The following CCDC141 variants were observed in gnomAD, a reference collection of about 807,000 sequenced individuals.
CCDC141 encodes the protein coiled-coil domain containing 141, also known as coiled-coil domain-containing protein 141.
Under a neutral mutation model 181.0 loss-of-function variants are expected in CCDC141, and 168 were observed. The ratio of observed to expected loss-of-function variants is 0.93; its 90% CI spans 0.82 to 1.05. The LOEUF is 1.05. Among genes scored for constraint, CCDC141 ranks in the 50% least tolerant of loss-of-function variants. The probability of loss-of-function intolerance (pLI) is 0.00; values close to 1 mark genes in which losing one functional copy is unlikely to be tolerated. For synonymous variants in CCDC141, 666 were observed against 642.3 expected, an observed-to-expected ratio of 1.04 and a Z score of -0.56; for missense variants, 1,902 against 1,788.5, an observed-to-expected ratio of 1.06 and a Z score of -1.14.
At chr2:178,862,806 T>C (rs1053398152) in intron 17 of CCDC141, among the ~76,000 whole-genome samples, 2 of 152,236 alleles carry the variant, frequency 1.3e-5, no homozygotes, top group African/African-American at 4.8e-5. Flanking sequence ...CACATCACAT[T>C]ACATTTTTAA....
At chr2:178,995,103 T>A (rs1692223208) in intron 2 of CCDC141, among the ~76,000 whole-genome samples, 1 of 152,222 alleles carries the variant, frequency 6.6e-6, no homozygotes, top group Non-Finnish European at 1.5e-5. Flanking sequence ...CACTTCCACA[T>A]TTCAGGTATC....
intron 17 of CCDC141, among the ~76,000 whole-genome samples, chr2:178,858,764 T>C (rs1416487711): frequency 6.6e-6 from 1 of 152,054 alleles, no homozygotes; most frequent in African/African-American, 2.4e-5. Context: ...TATAGTCATA[T>C]ATTTTTCTCT....
At chr2:178,945,853 G>GCGCA (rs1553487944) in intron 5 of CCDC141, among the ~76,000 whole-genome samples, 4 of 149,568 alleles carry the variant, frequency 2.7e-5, no homozygotes, top group South Asian at 2.1e-4. Context: ...ACACATGCGT[G>GCGCA]CACACACACA....
intron 11 of CCDC141, 144 bp from the exon 12 acceptor site, chr2:178,878,287 A>ATTTATTTAT (rs1553476536): frequency 1.8e-4 from 39 of 219,692 alleles, no homozygotes; most frequent in Non-Finnish European, 1.5e-4. Flanking sequence ...TTATTTATTT[A>ATTTATTTAT]TTTATTTATT....
intron 12 of CCDC141, chr2:178,874,708 CA>C: frequency 6.6e-6 from 1 of 152,212 alleles, no homozygotes; most frequent in East Asian, 1.9e-4. Flanking sequence ...AAGAACCTGA[CA>C]GGGGTGAGCT....
At chr2:179,047,549 A>G (rs2043540184) in intron 1 of CCDC141, 143 bp from the exon 2 acceptor site, 2 of 670,380 alleles carry the variant, frequency 3.0e-6, no homozygotes, top group African/African-American at 3.7e-5. Context: ...CATTCTTTCC[A>G]TAGAGATGGG....
chr2:178,834,858 G>A lies in CCDC141; in HGVS notation c.4326-418C>T, dbSNP rs1024561002. On this transcript the variant is annotated intron_variant, in intron 23 of 23. Coordinates refer to ENST00000443758, the MANE Select transcript of CCDC141 (RefSeq NM_173648.4). ...GCCTCCTGAGTAGCTGGTATTATGCGCTGTTTATCTTTCAAGCAGAAGTTG... is the reference window on the plus strand; with the variant it reads ...GCCTCCTGAGTAGCTGGTATTATGCACTGTTTATCTTTCAAGCAGAAGTTG... Among the ~76,000 whole-genome samples the A allele has an allele frequency of 2.9e-4, 44 of 151,410 alleles. 1 individual carries two copies. The highest frequency in any genetic ancestry group is 2.3e-3 in the Admixed American group (35 of 15,132).
At chr2:179,028,096 A>T (rs1249119173) in intron 2 of CCDC141, among the ~76,000 whole-genome samples, 1 of 152,208 alleles carries the variant, frequency 6.6e-6, no homozygotes, top group Non-Finnish European at 1.5e-5. Context: ...CCCACCCAGG[A>T]TACCATGAGA....
chr2:178,920,035 T>C (rs1688615639), intron 6 of CCDC141, among the ~76,000 whole-genome samples: 1 of 152,210 alleles, frequency 6.6e-6, no homozygotes, highest in Admixed American at 6.5e-5. Context: ...TTACATTCAA[T>C]TTATTTGAAG....
At chr2:178,890,621 G>A (rs145641922) in intron 8 of CCDC141, among the ~76,000 whole-genome samples, 303 of 152,224 alleles carry the variant, frequency 2.0e-3, no homozygotes, top group African/African-American at 7.0e-3. Context: ...CTCTGACTCT[G>A]ACCTGAACTT....
At chr2:178,824,543 C>T in the CCDC141 span, among the ~76,000 whole-genome samples, 30,807 of 148,048 alleles carry the variant, frequency 0.21, 5,288 homozygotes, top group East Asian at 0.73. Flanking sequence ...CGCTTGAACC[C>T]GGGAGGCAGA....
chr2:178,847,749 T>C (rs1235269157), intron 21 of CCDC141, among the ~76,000 whole-genome samples: 1 of 152,128 alleles, frequency 6.6e-6, no homozygotes, highest in East Asian at 1.9e-4. Context: ...CCAAAGTTTA[T>C]ATGTTAAAAT....
intron 8 of CCDC141, among the ~76,000 whole-genome samples, chr2:178,898,285 A>G (rs1226171384): frequency 6.6e-6 from 1 of 152,120 alleles, no homozygotes; most frequent in Non-Finnish European, 1.5e-5. Context: ...GTTTCCTTCC[A>G]GTTTTCCATC....
chr2:178,960,101 T>C (rs574756030), intron 5 of CCDC141, among the ~76,000 whole-genome samples: 3 of 152,300 alleles, frequency 2.0e-5, no homozygotes, highest in African/African-American at 4.8e-5. Flanking sequence ...CTCAGTATCC[T>C]AGAGTGTGCC....
At chr2:179,014,430 T>G (rs1305902742) in intron 2 of CCDC141, among the ~76,000 whole-genome samples, 1 of 152,000 alleles carries the variant, frequency 6.6e-6, no homozygotes, top group African/African-American at 2.4e-5. Context: ...TGGGACCTAA[T>G]GAAACTTAAG....
intron 6 of CCDC141, among the ~76,000 whole-genome samples, chr2:178,931,455 G>C (rs1689091963): frequency 6.6e-6 from 1 of 152,120 alleles, no homozygotes; most frequent in African/African-American, 2.4e-5. Flanking sequence ...CTAAATGAAA[G>C]GTGGTATATC....
intron 12 of CCDC141, chr2:178,876,354 A>G (rs1686357474): frequency 6.6e-6 from 1 of 152,214 alleles, no homozygotes; most frequent in South Asian, 2.1e-4. Flanking sequence ...GGACTACACA[A>G]TTTACAGATT....
At chr2:178,920,202 T>C (rs1213445564) in intron 6 of CCDC141, among the ~76,000 whole-genome samples, 1 of 152,214 alleles carries the variant, frequency 6.6e-6, no homozygotes, top group Non-Finnish European at 1.5e-5. Context: ...GTGGAAAATT[T>C]AGCACAAGAT....
At chr2:178,936,976 T>C (rs1249349513) in intron 6 of CCDC141, among the ~76,000 whole-genome samples, 2 of 152,078 alleles carry the variant, frequency 1.3e-5, no homozygotes, top group Non-Finnish European at 2.9e-5. Context: ...AGTTATCAGC[T>C]GAAGGAGCTT....
Sources: allele counts gnomAD v4.1 joint callset (sites outside exome capture counted in the v4.1 genomes callset), GRCh38; gene constraint gnomAD v4.1.1; transcripts MANE v1.5; gene names NCBI Gene and HGNC (gene_info 2026-07-23, HGNC 2026-07-21).